TAFA1: variants seen among roughly 807,000 people sequenced by gnomAD.
TAFA1 encodes TAFA chemokine like family member 1.
Under a neutral mutation model 18.5 loss-of-function variants are expected in TAFA1, and 4 were observed. That is an observed-to-expected ratio of 0.22 (90% CI 0.11 to 0.49). The LOEUF is 0.49. Among genes scored for constraint, TAFA1 ranks in the 20% least tolerant of loss-of-function variants. The pLI is 0.98. For missense variants in TAFA1, 147 were observed against 169.0 expected (o/e 0.87, Z 0.72); for synonymous variants, 56 against 55.2 (o/e 1.01, Z -0.06).
intron 3 of TAFA1, among the ~76,000 whole-genome samples, chr3:68,536,209 G>A (rs1281069861): frequency 2.0e-5 from 3 of 152,156 alleles, no homozygotes; most frequent in Admixed American, 6.5e-5. Flanking sequence ...AGCATAGAAG[G>A]AAAGCCTAAG....
intron 2 of TAFA1, among the ~76,000 whole-genome samples, chr3:68,087,185 C>T (rs1336057976): frequency 1.3e-5 from 2 of 152,118 alleles, no homozygotes; most frequent in Admixed American, 6.5e-5. Flanking sequence ...ATCTATAAAG[C>T]TCTCATACTC....
chr3:68,254,691 G>T (rs1003015768), intron 2 of TAFA1, among the ~76,000 whole-genome samples: 22 of 152,010 alleles, frequency 1.4e-4, no homozygotes, highest in Non-Finnish European at 3.1e-4. Flanking sequence ...TATTACAGAT[G>T]ATCCCAGGAT....
chr3:68,057,050 C>G (rs965862200), intron 2 of TAFA1, among the ~76,000 whole-genome samples: 1 of 152,178 alleles, frequency 6.6e-6, no homozygotes, highest in African/African-American at 2.4e-5. Context: ...CCCATCATCT[C>G]TCTTCTCTAA....
intron 2 of TAFA1, among the ~76,000 whole-genome samples, chr3:68,230,414 C>T (rs903071962): frequency 2.0e-5 from 3 of 152,082 alleles, no homozygotes; most frequent in African/African-American, 7.2e-5. Context: ...ACACAATGTC[C>T]TCCAGTTCCA....
chr3:68,224,431 T>C (rs1397526712), intron 2 of TAFA1, among the ~76,000 whole-genome samples: 1 of 152,194 alleles, frequency 6.6e-6, no homozygotes, highest in African/African-American at 2.4e-5. Context: ...GTTTGTAAAA[T>C]TTTTGCAACC....
chr3:68,180,902 A>G (rs911543306), intron 2 of TAFA1, among the ~76,000 whole-genome samples: 2 of 152,204 alleles, frequency 1.3e-5, no homozygotes, highest in Non-Finnish European at 2.9e-5. Context: ...AAACGAAGTG[A>G]TGTGCCTTCT....
chr3:68,510,572 C>T (rs1304041957), intron 3 of TAFA1, among the ~76,000 whole-genome samples: 4 of 152,098 alleles, frequency 2.6e-5, no homozygotes, highest in African/African-American at 7.2e-5. Flanking sequence ...CTGTAAGTCT[C>T]GGCTGCCTAT....
At chr3:68,044,496 G>A (rs937539787) in intron 2 of TAFA1, among the ~76,000 whole-genome samples, 3 of 152,092 alleles carry the variant, frequency 2.0e-5, no homozygotes, top group Admixed American at 6.6e-5. Context: ...TCACCTCCCT[G>A]ACTTCACCTC....
intron 3 of TAFA1, among the ~76,000 whole-genome samples, chr3:68,453,897 CCTT>C (rs1423030499): frequency 1.3e-5 from 2 of 152,112 alleles, no homozygotes; most frequent in Non-Finnish European, 2.9e-5. Flanking sequence ...GGGCCTCTCA[CCTT>C]GACACTCTGC....
At chr3:68,431,622 G>C (rs1464402487) in intron 3 of TAFA1, among the ~76,000 whole-genome samples, 1 of 151,962 alleles carries the variant, frequency 6.6e-6, no homozygotes, top group Non-Finnish European at 1.5e-5. Flanking sequence ...AAGATATTAA[G>C]ATTGCATTCA....
At chr3:68,262,253 T>G (rs1183126884) in intron 2 of TAFA1, among the ~76,000 whole-genome samples, 2 of 143,808 alleles carry the variant, frequency 1.4e-5, no homozygotes, top group Non-Finnish European at 3.0e-5. Context: ...CCCTAAGTCC[T>G]GGGTTTAGGA....
At chr3:68,374,315 A>G (rs1054817548) in intron 2 of TAFA1, among the ~76,000 whole-genome samples, 2 of 152,170 alleles carry the variant, frequency 1.3e-5, no homozygotes, top group Non-Finnish European at 2.9e-5. Flanking sequence ...CATACTTTAT[A>G]TACACGGTGA....
chr3:68,256,055 G>C (rs989270496), intron 2 of TAFA1, among the ~76,000 whole-genome samples: 1 of 151,990 alleles, frequency 6.6e-6, no homozygotes, highest in Admixed American at 6.6e-5. Context: ...AGCCAGAAAA[G>C]CGCATTGAAA....
intron 2 of TAFA1, among the ~76,000 whole-genome samples, chr3:68,401,153 G>A (rs1343440111): frequency 6.6e-6 from 1 of 152,118 alleles, no homozygotes; most frequent in Admixed American, 6.6e-5. Context: ...AGTTGTGAAT[G>A]TGCTGAAGTG....
chr3:68,399,138 C>T (rs1438006629), intron 2 of TAFA1, among the ~76,000 whole-genome samples: 2 of 152,098 alleles, frequency 1.3e-5, no homozygotes, highest in Admixed American at 6.6e-5. Context: ...ATAATAACTA[C>T]GAAGTTTTAC....
At chr3:68,099,353 GA>G (rs553137425) in intron 2 of TAFA1, among the ~76,000 whole-genome samples, 85 of 152,182 alleles carry the variant, frequency 5.6e-4, no homozygotes, top group African/African-American at 1.8e-3. Context: ...GACATGAACA[GA>G]CACTTCTCAA....
chr3:68,054,472 C>T (rs1436838485), intron 2 of TAFA1, among the ~76,000 whole-genome samples: 3 of 152,204 alleles, frequency 2.0e-5, no homozygotes, highest in African/African-American at 4.8e-5. Flanking sequence ...TAACTACAAG[C>T]CAAATAAACC....
chr3:68,072,035 G>C (rs1413491194), intron 2 of TAFA1, among the ~76,000 whole-genome samples: 1 of 152,168 alleles, frequency 6.6e-6, no homozygotes, highest in African/African-American at 2.4e-5. Flanking sequence ...AATAGCAATA[G>C]TATTTTATGC....
At chr3:67,993,708 C>T in the TAFA1 span, among the ~76,000 whole-genome samples, 5 of 152,230 alleles carry the variant, frequency 3.3e-5, no homozygotes, top group East Asian at 1.9e-4. Context: ...TTTAGTATAC[C>T]AGTACATCTT....
Sources: gnomAD v4.1 joint callset for allele counts (sites outside exome capture counted in the v4.1 genomes callset) on GRCh38, gnomAD v4.1.1 for gene constraint, MANE v1.5 for transcripts, NCBI Gene and HGNC (gene_info 2026-07-23, HGNC 2026-07-21) for gene names.